The following GLRA3 variants were observed in gnomAD, a reference collection of about 807,000 sequenced individuals.
GLRA3 encodes the protein glycine receptor alpha 3.
In GLRA3, 44 loss-of-function variants were observed where a neutral mutation model predicts 60.4. The observed-to-expected ratio is 0.73, with a 90% CI of 0.57 to 0.94. The LOEUF is 0.94. Among genes scored for constraint, GLRA3 ranks in the 40% least tolerant of loss-of-function variants. The pLI is 0.00. For synonymous variants in GLRA3, 223 were observed against 192.9 expected, an observed-to-expected ratio of 1.16 and a Z score of -1.29; for missense variants, 508 against 564.6, an observed-to-expected ratio of 0.90 and a Z score of 1.02.
chr4:174,815,151 A>T (rs760250355), intron 1 of GLRA3, among the ~76,000 whole-genome samples: 1 of 152,222 alleles, frequency 6.6e-6, no homozygotes, highest in African/African-American at 2.4e-5. Flanking sequence ...CAAATGCAGC[A>T]GGGCAATCAA....
chr4:174,701,955 A>G (rs1380899037), intron 5 of GLRA3, among the ~76,000 whole-genome samples: 1 of 152,236 alleles, frequency 6.6e-6, no homozygotes, highest in African/African-American at 2.4e-5. Context: ...GACACCGTGA[A>G]CATTGTTGAA....
intron 5 of GLRA3, among the ~76,000 whole-genome samples, chr4:174,701,012 A>G (rs1735296737): frequency 6.6e-6 from 1 of 152,242 alleles, no homozygotes; most frequent in Non-Finnish European, 1.5e-5. Flanking sequence ...CAGAAGACCT[A>G]GCTAAGATAA....
chr4:174,783,371 A>G (rs1004883657), intron 2 of GLRA3, among the ~76,000 whole-genome samples: 1 of 134,512 alleles, frequency 7.4e-6, no homozygotes, highest in Non-Finnish European at 1.7e-5. Context: ...AAACCCTAGA[A>G]GAAAACCTAG....
intron 9 of GLRA3, among the ~76,000 whole-genome samples, chr4:174,652,948 TATTG>T (rs1733075277): frequency 6.6e-6 from 1 of 152,124 alleles, no homozygotes; most frequent in Admixed American, 6.6e-5. Context: ...CAGCATGAAG[TATTG>T]ATTATGTGAA....
Position 174,763,142 on chromosome 4 carries a change from A to G in GLRA3, c.267+3821T>C, listed in dbSNP as rs148022881. On this transcript the variant is annotated intron_variant, in intron 3 of 9. Coordinates refer to ENST00000274093, the MANE Select transcript of GLRA3 (RefSeq NM_006529.4). ...GGGGTTATTACAGTCATACCCAACT[A>G]GATGGGAGTTAAGGACCATGGGGAA... Among the ~76,000 whole-genome samples the G allele has an allele frequency of 2.0e-5, 3 of 152,324 alleles. No individual in the cohort carries two copies. In the East Asian group the frequency reaches 5.8e-4, roughly 29 times the overall value.
At chr4:174,745,141 T>C (rs1737192802) in intron 3 of GLRA3, among the ~76,000 whole-genome samples, 1 of 152,194 alleles carries the variant, frequency 6.6e-6, no homozygotes, top group Non-Finnish European at 1.5e-5. Context: ...CTTTATGATA[T>C]GTGGGATAGC....
At chr4:174,728,770 G>A in intron 3 of GLRA3, 72 bp from the exon 4 acceptor site, 2 of 923,568 alleles carry the variant, frequency 2.2e-6, no homozygotes, top group Non-Finnish European at 3.3e-6. Context: ...TAGTGTCAGT[G>A]TGGTGCCAAG....
intron 5 of GLRA3, among the ~76,000 whole-genome samples, chr4:174,709,483 C>T (rs762928202): frequency 4.0e-5 from 6 of 151,710 alleles, no homozygotes; most frequent in East Asian, 1.9e-4. Context: ...GTCTTCTTAC[C>T]GACTTTGAGA....
chr4:174,709,682 T>C (rs1354153408), intron 5 of GLRA3, among the ~76,000 whole-genome samples: 1 of 152,056 alleles, frequency 6.6e-6, no homozygotes, highest in Non-Finnish European at 1.5e-5. Context: ...CTGTTGAGAT[T>C]TGAGGAATAA....
intron 3 of GLRA3, among the ~76,000 whole-genome samples, chr4:174,750,229 T>C (rs1737413250): frequency 6.6e-6 from 1 of 152,144 alleles, no homozygotes; most frequent in African/African-American, 2.4e-5. Context: ...AACAAAATTT[T>C]AGAATTGGCT....
chr4:174,773,413 T>A (rs1284877913), intron 2 of GLRA3, among the ~76,000 whole-genome samples: 1 of 152,054 alleles, frequency 6.6e-6, no homozygotes, highest in African/African-American at 2.4e-5. Context: ...AACGATATTA[T>A]TGTTATTCAT....
intron 1 of GLRA3, among the ~76,000 whole-genome samples, chr4:174,800,436 T>C (rs1739762614): frequency 6.6e-6 from 1 of 152,168 alleles, no homozygotes; most frequent in Non-Finnish European, 1.5e-5. Context: ...AGACATTCTG[T>C]CTCCTTTTCA....
At chr4:174,693,597 C>T (rs901948200) in intron 5 of GLRA3, among the ~76,000 whole-genome samples, 1 of 152,094 alleles carries the variant, frequency 6.6e-6, no homozygotes, top group Non-Finnish European at 1.5e-5. Context: ...AGCATGATGC[C>T]TCTATATTTT....
intron 5 of GLRA3, among the ~76,000 whole-genome samples, chr4:174,694,072 A>G (rs1163580205): frequency 6.6e-6 from 1 of 152,068 alleles, no homozygotes; most frequent in Non-Finnish European, 1.5e-5. Flanking sequence ...CACAGGGGGC[A>G]TTGAGATTCA....
chr4:174,815,140 C>A (rs1178439950), intron 1 of GLRA3, among the ~76,000 whole-genome samples: 1 of 152,180 alleles, frequency 6.6e-6, no homozygotes, highest in African/African-American at 2.4e-5. Flanking sequence ...CCATACAAGT[C>A]CAAATGCAGC....
chr4:174,692,517 A>T (rs918909998), intron 5 of GLRA3, among the ~76,000 whole-genome samples: 5 of 150,104 alleles, frequency 3.3e-5, no homozygotes, highest in East Asian at 1.9e-4. Context: ...GGTGGGGAAA[A>T]GATTGAGAAA....
rs1007803540 is a variant in GLRA3 at position 174,642,535 on chromosome 4, C to T, written c.*1251G>A. On this transcript the variant is annotated 3_prime_UTR_variant, in exon 10 of 10. Transcript: ENST00000274093. ...TATCATACATTTGCACCCAATTACA[C>T]TGCAAAAAACAAGTTACTAATGCTC... The T allele has an allele frequency of 3.1e-6, 3 of 975,626 alleles. No individual in the cohort carries two copies. The highest frequency in any genetic ancestry group is 3.7e-6 in the Non-Finnish European group (3 of 821,102). The allele number at this position is 975,626 out of a possible 1,614,324, so 60.4% of individuals were successfully genotyped here. A position where few individuals can be genotyped will look rare whatever the true frequency, so the allele number is the denominator to read the frequency against.
At chr4:174,651,483 AATATTAC>A (rs1242472154) in intron 9 of GLRA3, among the ~76,000 whole-genome samples, 1 of 152,188 alleles carries the variant, frequency 6.6e-6, no homozygotes, top group Non-Finnish European at 1.5e-5. Context: ...TTTTGAGTGT[AATATTAC>A]ATTATTCTAG....
At chr4:174,760,196 T>A (rs1429270585) in intron 3 of GLRA3, among the ~76,000 whole-genome samples, 4 of 152,198 alleles carry the variant, frequency 2.6e-5, no homozygotes, top group Non-Finnish European at 4.4e-5. Flanking sequence ...AAAGAACATC[T>A]GAATCATTTA....
Sources: allele counts gnomAD v4.1 joint callset (sites outside exome capture counted in the v4.1 genomes callset), GRCh38; gene constraint gnomAD v4.1.1; transcripts MANE v1.5; gene names NCBI Gene and HGNC (gene_info 2026-07-23, HGNC 2026-07-21).